Variants in ANKRD26 observed in about 807,000 individuals in gnomAD.
The protein encoded by ANKRD26 is ankyrin repeat domain-containing protein 26.
In ANKRD26, 141 loss-of-function variants were observed where a neutral mutation model predicts 208.7. The ratio of observed to expected loss-of-function variants is 0.68; its 90% CI spans 0.59 to 0.78. The LOEUF (loss-of-function observed/expected upper bound fraction) is 0.78, where lower values mean the gene tolerates loss of function less well. Ranked by LOEUF, ANKRD26 falls within the 30% of genes least tolerant of loss-of-function variation. The probability of loss-of-function intolerance (pLI) is 0.00; values close to 1 mark genes in which losing one functional copy is unlikely to be tolerated. For synonymous variants in ANKRD26, 636 were observed against 660.4 expected, an observed-to-expected ratio of 0.96 and a Z score of 0.57; for missense variants, 1,889 against 1,938.7, an observed-to-expected ratio of 0.97 and a Z score of 0.48.
chr10:27,098,870 A>G (rs922150479), intron 1 of ANKRD26, among the ~76,000 whole-genome samples: 1 of 152,088 alleles, frequency 6.6e-6, no homozygotes, highest in Admixed American at 6.6e-5. Context: ...CGTTTTGTAC[A>G]TATTTTCAGC....
chr10:26,974,673 G>C (rs1290765407), exon 6 of ANKRD26, among the ~76,000 whole-genome samples: 3 of 152,144 alleles, frequency 2.0e-5, no homozygotes, highest in Non-Finnish European at 4.4e-5. Context: ...TCCTGAAATA[G>C]ATTCTTTAGA....
At chr10:26,953,657 G>A in the ANKRD26 span, among the ~76,000 whole-genome samples, 1 of 152,240 alleles carries the variant, frequency 6.6e-6, no homozygotes, top group Middle Eastern at 3.4e-3. Flanking sequence ...ATAGTCTTAT[G>A]CAACACTGAA....
chr10:26,967,206 G>C, the ANKRD26 span, among the ~76,000 whole-genome samples: 2 of 152,068 alleles, frequency 1.3e-5, no homozygotes, highest in Non-Finnish European at 2.9e-5. Flanking sequence ...TGCTTTCGTA[G>C]ACATTTCACC....
Position 27,038,033 on chromosome 10 carries a change from T to C in ANKRD26, c.2397A>G (p.Glu799=), listed in dbSNP as rs2054100710. 8 of 1,610,216 alleles carry C rather than the reference T, an allele frequency of 5.0e-6. No individual in the cohort carries two copies. Among genetic ancestry groups the C allele is most frequent in the African/African-American group, 1.3e-5 (1 of 74,880 alleles). ...ACGTATCAGCATTTCTTCTCTTCTC[T>C]TCTTCTTGGTTTAAGCTAAATCTGC... ...CSLRFSLNQE[E]EKRRNADTLY... Residue 799 remains glutamate, a synonymous_variant, in exon 22 of 34, where the codon GAA becomes GAG. Transcript: ENST00000376087.
rs553728296 is a variant in ANKRD26 at position 27,086,794 on chromosome 10, CAG to C, written c.639-187_639-186del. On this transcript the variant is annotated intron_variant, in intron 4 of 33. Transcript: ENST00000376087. ...TTTTTTTTTTTTTTTTTTTTTGAGACAGAGTCTTACTCTGTCACCCAGGCTGG... is the reference window on the plus strand; with the variant it reads ...TTTTTTTTTTTTTTTTTTTTTGAGACAGTCTTACTCTGTCACCCAGGCTGG... Among the ~76,000 whole-genome samples the C allele has an allele frequency of 9.6e-4, 88 of 91,962 alleles. 1 individual carries two copies. Among genetic ancestry groups the C allele is most frequent in the Middle Eastern group, 0.014 (1 of 72 alleles). 60.3% of individuals were successfully genotyped at this position (91,962 alleles called of 152,430 possible).
chr10:27,030,693 T>A, intron 25 of ANKRD26: 3 of 619,570 alleles, frequency 4.8e-6, no homozygotes, highest in Non-Finnish European at 6.0e-6. Context: ...GATTAAGTGG[T>A]TTCTACTTAT....
At chr10:26,978,115 C>T (rs1253072938) in intron 5 of ANKRD26, among the ~76,000 whole-genome samples, 1 of 152,132 alleles carries the variant, frequency 6.6e-6, no homozygotes, top group Non-Finnish European at 1.5e-5. Flanking sequence ...CCATTCTGAG[C>T]AATTAAACCT....
At chr10:27,074,112 G>GA (rs34747611) in intron 9 of ANKRD26, among the ~76,000 whole-genome samples, 74,358 of 151,918 alleles carry the variant, frequency 0.49, 20,860 homozygotes, top group Non-Finnish European at 0.64. Context: ...CTGGTAATAT[G>GA]AAAAAACAGC....
intron 32 of ANKRD26, 53 bp downstream of exon 32, chr10:27,012,829 A>C: frequency 1.3e-6 from 2 of 1,546,008 alleles, no homozygotes; most frequent in Non-Finnish European, 1.8e-6. Context: ...CAAACAAAAA[A>C]AGAATTACAT....
At chr10:26,968,490 G>C in the ANKRD26 span, among the ~76,000 whole-genome samples, 1 of 152,152 alleles carries the variant, frequency 6.6e-6, no homozygotes. Context: ...TAACTTCATG[G>C]TAACCTCGCT....
intron 9 of ANKRD26, among the ~76,000 whole-genome samples, chr10:27,069,809 G>T (rs2135518133): frequency 6.6e-6 from 1 of 152,184 alleles, no homozygotes; most frequent in South Asian, 2.1e-4. Context: ...GGGATTTAAG[G>T]TTTCAATTAC....
rs549396409 is a variant in ANKRD26 at position 27,023,321 on chromosome 10, A to T, written c.4086-634T>A. ...TGCACCACCACACTCCAGCTTGGGCAACAGAGAGATTCCAGGGAAAAAAAA... is the reference window on the plus strand; with the variant it reads ...TGCACCACCACACTCCAGCTTGGGCTACAGAGAGATTCCAGGGAAAAAAAA... On this transcript the variant is annotated intron_variant, in intron 28 of 33. Transcript: ENST00000376087. Among the ~76,000 whole-genome samples the T allele has an allele frequency of 4.8e-4, 73 of 152,002 alleles. 1 individual carries two copies. The highest frequency in any genetic ancestry group is 1.7e-3 in the African/African-American group (69 of 41,462).
chr10:27,005,107 C>T lies in ANKRD26; in HGVS notation c.*483G>A, dbSNP rs950817085. On this transcript the variant is annotated 3_prime_UTR_variant, in exon 34 of 34. Transcript: ENST00000376087. The stretch of plus-strand genomic sequence containing the variant: ...AACAGAAAAGGTGAATCAGGCAAAT[C>T]TTGTTTCTCCCTGAGAACAGCTATA... 8.1e-6 allele frequency: 8 copies of T among 984,320 alleles called. No homozygotes were observed. In the African/African-American group the frequency reaches 1.2e-4, roughly 15 times the overall value. 61.0% of individuals were successfully genotyped at this position (984,320 alleles called of 1,614,324 possible).
the ANKRD26 span, among the ~76,000 whole-genome samples, chr10:26,951,212 G>A: frequency 4.0e-3 from 613 of 151,818 alleles, 3 homozygotes; most frequent in South Asian, 0.02. Context: ...GAAATGATGG[G>A]TCACTGATCA....
chr10:27,084,872 CAAA>C (rs375120568), intron 5 of ANKRD26, among the ~76,000 whole-genome samples: 1 of 99,370 alleles, frequency 1.0e-5, no homozygotes. Flanking sequence ...AACTCCATTT[CAAA>C]AAAAAAAAAA....
Position 27,066,510 on chromosome 10 carries a change from T to C in ANKRD26, c.1246A>G (p.Ile416Val). Residue 416 changes from isoleucine (I) to valine (V), a missense_variant, in exon 11 of 34, where the codon ATA (isoleucine) becomes GTA (valine). Physicochemically the swap from Ile to Val is conservative, Grantham distance 29 (BLOSUM62 3). Transcript: ENST00000376087. ...ACCTCAGAATCCCAAGGTGATTCTATATCTTCCTCTTGTCCTAATCCTAAT... is the reference window on the plus strand; with the variant it reads ...ACCTCAGAATCCCAAGGTGATTCTACATCTTCCTCTTGTCCTAATCCTAAT... Reference protein sequence around the residue: ...SALGLGQEEDIESPWDSESIS... With the variant: ...SALGLGQEEDVESPWDSESIS... The C allele has an allele frequency of 4.4e-6, 7 of 1,600,608 alleles. No homozygotes were observed. Among genetic ancestry groups the C allele is most frequent in the Non-Finnish European group, 6.0e-6 (7 of 1,171,618 alleles).
At chr10:26,954,029 C>T in the ANKRD26 span, among the ~76,000 whole-genome samples, 2 of 152,172 alleles carry the variant, frequency 1.3e-5, no homozygotes, top group Non-Finnish European at 2.9e-5. Flanking sequence ...CAAGAAAATA[C>T]ACTGTTGGTT....
At chr10:27,081,754 T>C (rs1416260847) in intron 6 of ANKRD26, among the ~76,000 whole-genome samples, 1 of 152,086 alleles carries the variant, frequency 6.6e-6, no homozygotes, top group Admixed American at 6.6e-5. Context: ...CTTTTTTTTT[T>C]TGAGACAGAG....
intron 5 of ANKRD26, among the ~76,000 whole-genome samples, chr10:26,994,531 C>A (rs1301021885): frequency 6.6e-6 from 1 of 151,488 alleles, no homozygotes; most frequent in Non-Finnish European, 1.5e-5. Flanking sequence ...CTCGTTTGGG[C>A]TATGCTCTGG....
Sources: allele counts gnomAD v4.1 joint callset (sites outside exome capture counted in the v4.1 genomes callset), GRCh38; gene constraint gnomAD v4.1.1; transcripts MANE v1.5; gene names NCBI Gene and HGNC (gene_info 2026-07-23, HGNC 2026-07-21).